ELOVL7: variants seen among roughly 807,000 people sequenced by gnomAD.
ELOVL7 encodes very long chain fatty acid elongase 7.
A neutral mutation model predicts 35.7 loss-of-function variants in ELOVL7; 27 were observed. The ratio of observed to expected loss-of-function variants is 0.76; its 90% CI spans 0.56 to 1.04. The LOEUF (loss-of-function observed/expected upper bound fraction) is 1.04, where lower values mean the gene tolerates loss of function less well. Ranked by LOEUF, ELOVL7 falls within the 50% of genes least tolerant of loss-of-function variation. The probability of loss-of-function intolerance (pLI) is 0.00; values close to 1 mark genes in which losing one functional copy is unlikely to be tolerated. For synonymous variants in ELOVL7, 113 were observed against 114.6 expected, an observed-to-expected ratio of 0.99 and a Z score of 0.09; for missense variants, 327 against 340.8, an observed-to-expected ratio of 0.96 and a Z score of 0.32.
At chr5:60,807,809 C>T (rs1745018356) in intron 1 of ELOVL7, among the ~76,000 whole-genome samples, 1 of 151,444 alleles carries the variant, frequency 6.6e-6, no homozygotes, top group South Asian at 2.1e-4. Flanking sequence ...ACCACCCTGG[C>T]TAACATGGTG....
At position 60,754,617 on chromosome 5, in the gene ELOVL7, T is replaced by C. The variant is rs1311188166; in HGVS notation, c.*7A>G. ...TATCAGTTTCGATCATAGACTTATG[T>C]TGGGCTTCAATTATCTTTGTTTTTG... On this transcript the variant is annotated 3_prime_UTR_variant, in exon 9 of 9. Transcript: ENST00000508821. 2 of 1,612,420 alleles carry C rather than the reference T, an allele frequency of 1.2e-6. No individual in the cohort carries two copies.
chr5:60,764,308 T>C lies in ELOVL7; in HGVS notation c.418A>G (p.Asn140Asp), dbSNP rs1231864854. Residue 140 changes from asparagine (N) to aspartate (D), a missense_variant, in exon 7 of 9, where the codon AAT (asparagine) becomes GAT (aspartate). Physicochemically the swap from Asn to Asp is conservative, Grantham distance 23. Transcript: ENST00000508821. Reference sequence around the variant, plus strand: ...ACATGAAGGAAAGTCACTTGGCTATTTTTCTTGCGCAGAACAAAAAAGATC... The same window carrying C: ...ACATGAAGGAAAGTCACTTGGCTATCTTTCTTGCGCAGAACAAAAAAGATC... ...DTIFFVLRKK[N>D]SQVTFLHVFH... 2 of 1,613,298 alleles carry C rather than the reference T, an allele frequency of 1.2e-6. No homozygotes were observed. Among genetic ancestry groups the C allele is most frequent in the African/African-American group, 1.3e-5 (1 of 74,906 alleles).
intron 2 of ELOVL7, among the ~76,000 whole-genome samples, chr5:60,793,177 CT>C (rs1744043347): frequency 6.6e-6 from 1 of 152,186 alleles, no homozygotes; most frequent in African/African-American, 2.4e-5. Flanking sequence ...CCCACTGTAC[CT>C]CTCAATGCAG....
intron 1 of ELOVL7, among the ~76,000 whole-genome samples, chr5:60,820,026 A>G (rs114119424): frequency 1.3e-5 from 2 of 152,362 alleles, no homozygotes; most frequent in African/African-American, 4.8e-5. Context: ...TGGCTGGAAG[A>G]AGGAGGATTT....
At chr5:60,804,544 G>A (rs1210233661) in intron 1 of ELOVL7, among the ~76,000 whole-genome samples, 2 of 152,144 alleles carry the variant, frequency 1.3e-5, no homozygotes, top group East Asian at 3.8e-4. Context: ...CTTAAAAACT[G>A]TACAGATGAT....
chr5:60,801,159 C>T (rs867414742), intron 1 of ELOVL7, among the ~76,000 whole-genome samples: 4 of 152,012 alleles, frequency 2.6e-5, no homozygotes, highest in Middle Eastern at 3.2e-3. Flanking sequence ...AACTCCTGAG[C>T]TCAGGTGATC....
intron 3 of ELOVL7, among the ~76,000 whole-genome samples, chr5:60,785,361 T>C (rs1434507401): frequency 6.6e-6 from 1 of 152,218 alleles, no homozygotes; most frequent in African/African-American, 2.4e-5. Context: ...GGAAGTGGAA[T>C]TCTAAAGAAG....
At chr5:60,761,048 A>G (rs1268769514) in intron 7 of ELOVL7, among the ~76,000 whole-genome samples, 1 of 152,132 alleles carries the variant, frequency 6.6e-6, no homozygotes, top group Non-Finnish European at 1.5e-5. Flanking sequence ...TATTTACAAA[A>G]CAACCATATT....
Position 60,753,351 on chromosome 5 carries a change from T to C in ELOVL7, c.*1273A>G, listed in dbSNP as rs1279728651. 1 of 152,140 alleles carries C rather than the reference T, an allele frequency of 6.6e-6. No individual in the cohort carries two copies. Among genetic ancestry groups the C allele is most frequent in the East Asian group, 1.9e-4 (1 of 5,204 alleles). 9.4% of individuals were successfully genotyped at this position (152,140 alleles called of 1,614,324 possible). A position where few individuals can be genotyped will look rare whatever the true frequency, so the allele number is the denominator to read the frequency against. ...AACTAGCAATTTTAAAGAAACAAAG[T>C]GTATGCCAAACGAATTTCAGTCCTT... On this transcript the variant is annotated 3_prime_UTR_variant, in exon 9 of 9. Transcript: ENST00000508821.
rs182021382 is a variant in ELOVL7, at chr5:60,800,645, C to T, written c.-85-1415G>A. 6.6e-5 allele frequency among the ~76,000 whole-genome samples: 10 copies of T among 152,272 alleles called. No individual in the cohort carries two copies. The East Asian group carries it at 1.2e-3, about 18-fold the overall frequency. On this transcript the variant is annotated intron_variant, in intron 1 of 8. Coordinates refer to ENST00000508821, the MANE Select transcript of ELOVL7 (RefSeq NM_024930.3). Reference sequence around the variant, plus strand: ...CACAGTTCTAGAGGCTGGAAGTTCACGATCAAGGTGCCAGCAAGATAAGGT... The same window carrying T: ...CACAGTTCTAGAGGCTGGAAGTTCATGATCAAGGTGCCAGCAAGATAAGGT...
At chr5:60,797,932 G>A (rs1744363320) in intron 2 of ELOVL7, among the ~76,000 whole-genome samples, 1 of 152,188 alleles carries the variant, frequency 6.6e-6, no homozygotes, top group Non-Finnish European at 1.5e-5. Flanking sequence ...CTTTTGAAAA[G>A]GTTAATCGGA....
intron 3 of ELOVL7, among the ~76,000 whole-genome samples, chr5:60,786,767 C>T (rs369169305): frequency 6.6e-6 from 1 of 151,860 alleles, no homozygotes; most frequent in Admixed American, 6.6e-5. Context: ...ACAGTGAAAC[C>T]CCGTCTCTAC....
chr5:60,761,976 G>T (rs1341256369), intron 7 of ELOVL7, among the ~76,000 whole-genome samples: 2 of 152,012 alleles, frequency 1.3e-5, no homozygotes, highest in Non-Finnish European at 2.9e-5. Context: ...CTGCTAGTGT[G>T]GAGATAAATC....
chr5:60,779,604 G>C (rs1743114607), intron 3 of ELOVL7, among the ~76,000 whole-genome samples: 2 of 152,120 alleles, frequency 1.3e-5, no homozygotes, highest in African/African-American at 4.8e-5. Flanking sequence ...GCACACAGCA[G>C]GGAGCCCTGG....
At chr5:60,779,292 G>A (rs1219857572) in intron 3 of ELOVL7, among the ~76,000 whole-genome samples, 2 of 152,202 alleles carry the variant, frequency 1.3e-5, no homozygotes, top group South Asian at 2.1e-4. Flanking sequence ...TGGGGACTAG[G>A]TGTTTGGGGT....
chr5:60,827,627 G>T (rs1341782231), intron 1 of ELOVL7, among the ~76,000 whole-genome samples: 1 of 152,112 alleles, frequency 6.6e-6, no homozygotes, highest in Admixed American at 6.5e-5. Flanking sequence ...TTTGATGTTT[G>T]AAAAAGCCTA....
chr5:60,765,961 C>G (rs1057068083), intron 6 of ELOVL7, among the ~76,000 whole-genome samples: 1 of 152,134 alleles, frequency 6.6e-6, no homozygotes, highest in Non-Finnish European at 1.5e-5. Context: ...TGGCTTTCTC[C>G]TCTAAATCAC....
At chr5:60,803,151 C>T (rs908489109) in intron 1 of ELOVL7, among the ~76,000 whole-genome samples, 6 of 152,168 alleles carry the variant, frequency 3.9e-5, no homozygotes, top group African/African-American at 1.4e-4. Context: ...GCACTGAAAA[C>T]AGCAACAACA....
chr5:60,832,997 T>C (rs1746576025), intron 1 of ELOVL7, among the ~76,000 whole-genome samples: 1 of 152,242 alleles, frequency 6.6e-6, no homozygotes, highest in Non-Finnish European at 1.5e-5. Flanking sequence ...CTTCAGTTTC[T>C]GTACTTGTAA....
Sources: gnomAD v4.1 joint callset for allele counts (sites outside exome capture counted in the v4.1 genomes callset) on GRCh38, gnomAD v4.1.1 for gene constraint, MANE v1.5 for transcripts, NCBI Gene and HGNC (gene_info 2026-07-23, HGNC 2026-07-21) for gene names.